The following PDE4D variants were observed in gnomAD, a reference collection of about 807,000 sequenced individuals.
PDE4D encodes the protein 3',5'-cyclic-AMP phosphodiesterase 4D.
In PDE4D, 24 loss-of-function variants were observed where a neutral mutation model predicts 87.4. The observed-to-expected ratio is 0.27, with a 90% CI of 0.20 to 0.39. PDE4D has a LOEUF of 0.39. PDE4D is among the 10% of genes least tolerant of loss of function. The probability of loss-of-function intolerance (pLI) is 1.00; values close to 1 mark genes in which losing one functional copy is unlikely to be tolerated. For synonymous variants in PDE4D, 384 were observed against 383.2 expected, an observed-to-expected ratio of 1.00 and a Z score of -0.02; for missense variants, 714 against 1,041.0, an observed-to-expected ratio of 0.69 and a Z score of 4.32.
In PDE4D at chr5:60,266,495, A is replaced by G. The variant is rs1380226705; in HGVS notation, c.-89-80808T>C. Among the ~76,000 whole-genome samples the G allele has an allele frequency of 6.6e-5, 10 of 152,160 alleles. No individual in the cohort carries two copies. In the East Asian group the frequency reaches 1.9e-3, roughly 29 times the overall value. ...CACTTTTCTTTCTTGGCATCCTATT[A>G]CCATTGGCAGCTTCTCCAGGCTGCT... is the stretch of plus-strand genomic sequence containing the variant. On this transcript the variant is annotated intron_variant, in intron 1 of 16. Transcript: ENST00000502484.
At chr5:59,156,320 A>AAAAATATATAT (rs548335725) in intron 5 of PDE4D, among the ~76,000 whole-genome samples, 14 of 81,762 alleles carry the variant, frequency 1.7e-4, no homozygotes, top group African/African-American at 7.1e-4. Context: ...AAAAAAAAAA[A>AAAAATATATAT]ATATATATAT....
intron 3 of PDE4D, among the ~76,000 whole-genome samples, chr5:59,937,160 T>C (rs946329399): frequency 6.6e-6 from 1 of 152,178 alleles, no homozygotes; most frequent in South Asian, 2.1e-4. Flanking sequence ...GATACATTAG[T>C]CACTGGCTCA....
intron 1 of PDE4D, among the ~76,000 whole-genome samples, chr5:59,393,732 GT>G (rs1297077361): frequency 3.3e-5 from 5 of 152,190 alleles, no homozygotes; most frequent in Non-Finnish European, 5.9e-5. Flanking sequence ...TAAAGGACTT[GT>G]TATTTTTGGT....
chr5:59,801,376 A>G (rs1292111857), intron 1 of PDE4D, among the ~76,000 whole-genome samples: 1 of 152,238 alleles, frequency 6.6e-6, no homozygotes, highest in Non-Finnish European at 1.5e-5. Context: ...ATGGACTTAC[A>G]TTAGACTTAC....
chr5:60,506,952 G>A (rs543154045), intron 1 of PDE4D, among the ~76,000 whole-genome samples: 1 of 152,090 alleles, frequency 6.6e-6, no homozygotes, highest in Non-Finnish European at 1.5e-5. Context: ...AACACCTCTA[G>A]TCCTATTAGC....
At chr5:59,547,092 ATGT>A (rs1481112594) in intron 1 of PDE4D, among the ~76,000 whole-genome samples, 2 of 152,152 alleles carry the variant, frequency 1.3e-5, no homozygotes, top group African/African-American at 4.8e-5. Context: ...CATTAATAGG[ATGT>A]TGACTTATTA....
chr5:59,970,920 T>C (rs1432218647), intron 3 of PDE4D, among the ~76,000 whole-genome samples: 3 of 149,332 alleles, frequency 2.0e-5, no homozygotes, highest in Non-Finnish European at 3.0e-5. Context: ...ATGTTTATTG[T>C]GGCACTATTC....
chr5:59,745,294 T>A (rs527516518), intron 1 of PDE4D, among the ~76,000 whole-genome samples: 2 of 152,292 alleles, frequency 1.3e-5, no homozygotes, highest in African/African-American at 4.8e-5. Flanking sequence ...CGGGTGATGC[T>A]AGTTATAATT....
chr5:59,307,135 T>G lies in PDE4D; in HGVS notation c.456-91167A>C, dbSNP rs1204969809. ...AAGGATTCCCTATTTAATAAACGGT[T>G]CTGGGAAAACTGGCTAGCCATATTT... On this transcript the variant is annotated intron_variant, in intron 1 of 14. Coordinates refer to ENST00000340635, the MANE Select transcript of PDE4D (RefSeq NM_001104631.2). 1.3e-3 allele frequency among the ~76,000 whole-genome samples: 146 copies of G among 109,478 alleles called. 1 individual carries two copies. Among genetic ancestry groups the G allele is most frequent in the Non-Finnish European group, 1.5e-3 (85 of 57,028 alleles). The allele number at this position is 109,478 out of a possible 152,430, so 71.8% of individuals were successfully genotyped here.
At chr5:59,169,614 T>C (rs1054840472) in intron 5 of PDE4D, among the ~76,000 whole-genome samples, 2 of 152,222 alleles carry the variant, frequency 1.3e-5, no homozygotes, top group Non-Finnish European at 2.9e-5. Context: ...TTTGCACATA[T>C]GATCGTGCTT....
Position 60,046,731 on chromosome 5 carries a change from T to TG in PDE4D, c.43-58015dup, listed in dbSNP as rs1443250915. ...AGGGATGAGGCCCACTTGATCATGG[T>TG]GGATAAGCTTTTTGATGTGCTGCTG... On this transcript the variant is annotated intron_variant, in intron 2 of 16. Coordinates refer to the PDE4D transcript ENST00000502484. Among the ~76,000 whole-genome samples, 4 of 152,332 alleles carry TG rather than the reference T, an allele frequency of 2.6e-5. No individual in the cohort carries two copies. In the East Asian group the frequency reaches 7.7e-4, roughly 29 times the overall value.
intron 1 of PDE4D, among the ~76,000 whole-genome samples, chr5:59,694,646 A>G (rs1041804381): frequency 2.0e-5 from 3 of 152,204 alleles, no homozygotes; most frequent in African/African-American, 7.2e-5. Context: ...CATCCAGTAC[A>G]TCTTCTTCTT....
chr5:59,921,021 A>AG (rs1212316262), intron 3 of PDE4D, among the ~76,000 whole-genome samples: 1 of 152,198 alleles, frequency 6.6e-6, no homozygotes, highest in African/African-American at 2.4e-5. Flanking sequence ...TATTAAAAAA[A>AG]GTGTCTACCT....
chr5:60,461,956 C>G (rs1746979940), intron 1 of PDE4D, among the ~76,000 whole-genome samples: 1 of 152,156 alleles, frequency 6.6e-6, no homozygotes, highest in African/African-American at 2.4e-5. Context: ...GCATAGGAAG[C>G]TTGCTTTACT....
At chr5:59,732,424 A>T (rs867020880) in intron 1 of PDE4D, among the ~76,000 whole-genome samples, 1 of 151,670 alleles carries the variant, frequency 6.6e-6, no homozygotes, top group Non-Finnish European at 1.5e-5. Context: ...ACACACACAC[A>T]CACTCACTCA....
At chr5:59,958,965 C>G (rs1382078440) in intron 3 of PDE4D, among the ~76,000 whole-genome samples, 3 of 152,124 alleles carry the variant, frequency 2.0e-5, no homozygotes. Context: ...CCAAAAGGCT[C>G]CTAGACCTGA....
chr5:60,429,501 T>C (rs565462300), intron 1 of PDE4D, among the ~76,000 whole-genome samples: 5 of 152,294 alleles, frequency 3.3e-5, no homozygotes, highest in South Asian at 4.1e-4. Flanking sequence ...TCCAATACTA[T>C]GTTAAATAGG....
chr5:59,652,887 C>G (rs905330293), intron 1 of PDE4D, among the ~76,000 whole-genome samples: 5 of 151,736 alleles, frequency 3.3e-5, no homozygotes, highest in South Asian at 2.1e-4. Context: ...ATGCTGAATT[C>G]TTTTATTTAG....
chr5:59,233,880 A>C (rs1310519031), intron 1 of PDE4D, among the ~76,000 whole-genome samples: 1 of 152,162 alleles, frequency 6.6e-6, no homozygotes, highest in Non-Finnish European at 1.5e-5. Flanking sequence ...CTCATTGAGA[A>C]GACGTAAGGA....
Sources: allele counts gnomAD v4.1 joint callset (sites outside exome capture counted in the v4.1 genomes callset), GRCh38; gene constraint gnomAD v4.1.1; transcripts MANE v1.5; gene names NCBI Gene and HGNC (gene_info 2026-07-23, HGNC 2026-07-21).